The following LRP1B variants were observed in gnomAD, a reference collection of about 807,000 sequenced individuals.
LRP1B encodes the protein low-density lipoprotein receptor-related protein 1B.
In LRP1B, 217 loss-of-function variants were observed where a neutral mutation model predicts 556.6. The observed-to-expected ratio is 0.39, with a 90% confidence interval of 0.35 to 0.44. The LOEUF is 0.44. Ranked by LOEUF, LRP1B falls within the 20% of genes least tolerant of loss-of-function variation. LRP1B has a pLI of 1.00. For synonymous variants in LRP1B, 2,047 were observed against 1,865.8 expected, an observed-to-expected ratio of 1.10 and a Z score of -2.50; for missense variants, 5,053 against 5,620.8, an observed-to-expected ratio of 0.90 and a Z score of 3.23.
At chr2:140,602,007 C>T (rs879629966) in intron 41 of LRP1B, among the ~76,000 whole-genome samples, 8 of 151,988 alleles carry the variant, frequency 5.3e-5, no homozygotes, top group East Asian at 1.9e-4. Flanking sequence ...GTCAGCAATA[C>T]GACTTAGATA....
chr2:140,480,498 T>C (rs542595697), intron 59 of LRP1B, among the ~76,000 whole-genome samples: 1 of 152,254 alleles, frequency 6.6e-6, no homozygotes, highest in East Asian at 1.9e-4. Flanking sequence ...TAGAGTAAAG[T>C]GGCGTGCTCT....
intron 7 of LRP1B, among the ~76,000 whole-genome samples, chr2:141,141,248 T>A (rs770084743): frequency 3.3e-5 from 5 of 152,190 alleles, no homozygotes; most frequent in Non-Finnish European, 7.4e-5. Flanking sequence ...TTTAAAGTAA[T>A]GCCATCTTTT....
intron 7 of LRP1B, among the ~76,000 whole-genome samples, chr2:141,063,592 C>G (rs1699398601): frequency 6.6e-6 from 1 of 151,854 alleles, no homozygotes; most frequent in Non-Finnish European, 1.5e-5. Flanking sequence ...GCTAAACGAT[C>G]AAATCACTGC....
intron 1 of LRP1B, among the ~76,000 whole-genome samples, chr2:141,896,620 G>A (rs1255363376): frequency 2.0e-5 from 3 of 151,988 alleles, no homozygotes; most frequent in Non-Finnish European, 4.4e-5. Context: ...GCAATGTATG[G>A]TACCAGAACA....
rs1473853033 is a variant in LRP1B, at chr2:141,586,963, A to G, written c.206-106430T>C. Among the ~76,000 whole-genome samples, 3 of 151,816 alleles carry G rather than the reference A, an allele frequency of 2.0e-5. No individual in the cohort carries two copies. The East Asian group carries it at 5.8e-4, about 29-fold the overall frequency. ...TCTCAAAAAAAAAAGAAAAAAAAAAAAAGAAGAGAGAGAGAAAGGGAGAGG... is the reference window on the plus strand; with the variant it reads ...TCTCAAAAAAAAAAGAAAAAAAAAAGAAGAAGAGAGAGAGAAAGGGAGAGG... On this transcript the variant is annotated intron_variant, in intron 2 of 90. Transcript: ENST00000389484.
intron 6 of LRP1B, among the ~76,000 whole-genome samples, chr2:141,226,114 T>TA (rs1007585013): frequency 1.2e-3 from 43 of 35,332 alleles, no homozygotes; most frequent in African/African-American, 2.0e-3. Context: ...AGAGTCTCAA[T>TA]TTTCCCCCCC....
intron 1 of LRP1B, among the ~76,000 whole-genome samples, chr2:142,027,673 A>AACAC (rs3041444): frequency 0.018 from 2,605 of 146,816 alleles, 37 homozygotes; most frequent in Middle Eastern, 0.026. Context: ...AAAAGATTAA[A>AACAC]ACACACACAC....
chr2:141,521,214 C>T (rs1393247479), intron 2 of LRP1B, among the ~76,000 whole-genome samples: 4 of 152,088 alleles, frequency 2.6e-5, no homozygotes, highest in Non-Finnish European at 1.5e-5. Context: ...AAAACCCTTT[C>T]ACATTTAAAC....
At chr2:141,357,033 A>T (rs1056089584) in intron 3 of LRP1B, among the ~76,000 whole-genome samples, 3 of 149,040 alleles carry the variant, frequency 2.0e-5, no homozygotes, top group African/African-American at 7.7e-5. Context: ...AAATTTTTTT[A>T]TTTTATTTTA....
intron 41 of LRP1B, among the ~76,000 whole-genome samples, chr2:140,661,541 C>T (rs970749554): frequency 1.3e-5 from 2 of 150,920 alleles, no homozygotes; most frequent in African/African-American, 4.9e-5. Flanking sequence ...GTGGCACACA[C>T]CTATAGTCCC....
rs191412063 is a variant in LRP1B at position 141,306,339 on chromosome 2, T to G, written c.344-51698A>C. Among the ~76,000 whole-genome samples, 690 of 152,242 alleles carry G rather than the reference T, an allele frequency of 4.5e-3. 2 individuals carry two copies. Among genetic ancestry groups the G allele is most frequent in the African/African-American group, 0.015 (625 of 41,574 alleles). ...TTATTGGGTTCTTCAGGTTTTCTCT[T>G]TCTTCTTAATTTAATCTTGGTAGAT... On this transcript the variant is annotated intron_variant, in intron 3 of 90. Coordinates refer to ENST00000389484, the MANE Select transcript of LRP1B (RefSeq NM_018557.3).
intron 2 of LRP1B, among the ~76,000 whole-genome samples, chr2:141,532,820 T>A (rs1684933753): frequency 6.6e-6 from 1 of 152,074 alleles, no homozygotes. Context: ...ACCCCGTCTC[T>A]ACTAAAAATA....
At chr2:141,762,342 C>G (rs1161249469) in intron 2 of LRP1B, among the ~76,000 whole-genome samples, 2 of 151,870 alleles carry the variant, frequency 1.3e-5, no homozygotes, top group Non-Finnish European at 2.9e-5. Context: ...AGAAGAAAGT[C>G]CCTGTCCCCT....
chr2:141,069,659 A>C (rs1243772200), intron 7 of LRP1B, among the ~76,000 whole-genome samples: 1 of 152,024 alleles, frequency 6.6e-6, no homozygotes, highest in Non-Finnish European at 1.5e-5. Context: ...GCAGCTGCCA[A>C]ATCTAACTGC....
intron 86 of LRP1B, among the ~76,000 whole-genome samples, chr2:140,254,144 T>A (rs1408080285): frequency 6.6e-6 from 1 of 151,784 alleles, no homozygotes. Flanking sequence ...AGACTTGAAA[T>A]TATAAAGGCG....
intron 41 of LRP1B, among the ~76,000 whole-genome samples, chr2:140,649,283 C>T (rs1311167843): frequency 5.3e-5 from 8 of 152,136 alleles, no homozygotes; most frequent in Admixed American, 4.6e-4. Context: ...AGTCAAATGG[C>T]CATCAATTTC....
intron 86 of LRP1B, among the ~76,000 whole-genome samples, chr2:140,247,676 A>G (rs969525319): frequency 6.6e-6 from 1 of 151,640 alleles, no homozygotes; most frequent in Admixed American, 6.6e-5. Flanking sequence ...GAGCTTTCCC[A>G]TTTTAAATCA....
chr2:141,605,453 G>A (rs1384796539), intron 2 of LRP1B, among the ~76,000 whole-genome samples: 1 of 152,058 alleles, frequency 6.6e-6, no homozygotes, highest in African/African-American at 2.4e-5. Flanking sequence ...TGTAAGTCCT[G>A]TTTGAATCTT....
intron 41 of LRP1B, among the ~76,000 whole-genome samples, chr2:140,688,811 G>T (rs1236990054): frequency 1.3e-5 from 2 of 152,162 alleles, no homozygotes; most frequent in Admixed American, 6.5e-5. Context: ...TTGTGGCCTG[G>T]TTACTCAGCA....
Sources: allele counts gnomAD v4.1 joint callset (sites outside exome capture counted in the v4.1 genomes callset), GRCh38; gene constraint gnomAD v4.1.1; transcripts MANE v1.5; gene names NCBI Gene and HGNC (gene_info 2026-07-23, HGNC 2026-07-21).